USP6NL: variants seen among roughly 807,000 people sequenced by gnomAD.
The protein encoded by USP6NL is USP6 N-terminal like, also known as USP6 N-terminal-like protein.
A neutral mutation model predicts 61.9 loss-of-function variants in USP6NL; 26 were observed. That is an observed-to-expected ratio of 0.42 (90% CI 0.31 to 0.58). USP6NL has a LOEUF of 0.58. Ranked by LOEUF, USP6NL falls within the 20% of genes least tolerant of loss-of-function variation. The probability of loss-of-function intolerance (pLI) is 0.16; values close to 1 mark genes in which losing one functional copy is unlikely to be tolerated. For missense variants in USP6NL, 1,114 were observed against 1,034.3 expected, an observed-to-expected ratio of 1.08 and a Z score of -1.06; for synonymous variants, 432 against 390.1, an observed-to-expected ratio of 1.11 and a Z score of -1.27.
chr10:11,533,396 G>A (rs1026206722), intron 2 of USP6NL, among the ~76,000 whole-genome samples: 1 of 152,208 alleles, frequency 6.6e-6, no homozygotes, highest in Non-Finnish European at 1.5e-5. Flanking sequence ...CTAACCCCTG[G>A]AATCTGTAAA....
At chr10:11,590,800 C>T (rs1474237288) in intron 2 of USP6NL, among the ~76,000 whole-genome samples, 1 of 151,974 alleles carries the variant, frequency 6.6e-6, no homozygotes, top group African/African-American at 2.4e-5. Context: ...AGCAGAAGGA[C>T]GCGGAGAACA....
At position 11,525,710 on chromosome 10, in the gene USP6NL, G is replaced by A. The variant is rs1484046098; in HGVS notation, c.73-242C>T. ...GCTGTGTGTCAGCAGCAGCTGACGCGGAGCTGAGCCAGGATCAGGCCAGGG... is the reference window on the plus strand; with the variant it reads ...GCTGTGTGTCAGCAGCAGCTGACGCAGAGCTGAGCCAGGATCAGGCCAGGG... On this transcript the variant is annotated intron_variant, in intron 3 of 14. Coordinates refer to ENST00000609104, the MANE Select transcript of USP6NL (RefSeq NM_014688.5). The surrounding 1 kb of genome is among the most constrained non-coding windows in gnomAD (Gnocchi z 5.0). 3.3e-5 allele frequency among the ~76,000 whole-genome samples: 5 copies of A among 152,122 alleles called. No individual in the cohort carries two copies. The highest frequency in any genetic ancestry group is 3.8e-4 in the East Asian group (2 of 5,198).
chr10:11,462,068 C>G lies in USP6NL; in HGVS notation c.*373G>C. On this transcript the variant is annotated 3_prime_UTR_variant, in exon 15 of 15. Coordinates refer to ENST00000609104, the MANE Select transcript of USP6NL (RefSeq NM_014688.5). ...ACACTACATATAGCCTTAAAAATAT[C>G]TATTCTACAGTTTTTTCAGTACTTT... 1 of 201,572 alleles carries G rather than the reference C, an allele frequency of 5.0e-6. No homozygotes were observed. The highest frequency in any genetic ancestry group is 1.0e-5 in the Non-Finnish European group (1 of 99,006). 12.5% of individuals were successfully genotyped at this position (201,572 alleles called of 1,614,324 possible). A position where few individuals can be genotyped will look rare whatever the true frequency, so the allele number is the denominator to read the frequency against.
rs908118736 is a variant in USP6NL, at chr10:11,501,709, T to C, written c.277-501A>G. 4.7e-4 allele frequency among the ~76,000 whole-genome samples: 71 copies of C among 152,200 alleles called. 1 individual carries two copies. The highest frequency in any genetic ancestry group is 1.6e-3 in the African/African-American group (67 of 41,462). ...ACCTTCTCACTGGTCTCTCAGAAGA[T>C]ACCAAGCTTCTCCTCATCTATCTGA... On this transcript the variant is annotated intron_variant, in intron 6 of 14. Transcript: ENST00000609104.
chr10:11,607,885 C>T (rs1455336167), intron 1 of USP6NL, among the ~76,000 whole-genome samples: 1 of 152,146 alleles, frequency 6.6e-6, no homozygotes, highest in Non-Finnish European at 1.5e-5. Flanking sequence ...AGTTTTTCTA[C>T]AGTCATATCA....
At chr10:11,533,270 A>T (rs1216244525) in intron 2 of USP6NL, among the ~76,000 whole-genome samples, 3 of 152,226 alleles carry the variant, frequency 2.0e-5, no homozygotes, top group Non-Finnish European at 4.4e-5. Flanking sequence ...AGAGCAAAAA[A>T]TTATCATGAA....
At chr10:11,584,764 C>T (rs1566199398) in intron 2 of USP6NL, among the ~76,000 whole-genome samples, 1 of 152,068 alleles carries the variant, frequency 6.6e-6, no homozygotes, top group Admixed American at 6.6e-5. Flanking sequence ...TGGCAAAACC[C>T]CATCTCTACA....
At chr10:11,593,867 T>C (rs1209342469) in intron 2 of USP6NL, among the ~76,000 whole-genome samples, 1 of 152,166 alleles carries the variant, frequency 6.6e-6, no homozygotes, top group Non-Finnish European at 1.5e-5. Flanking sequence ...TTATCCCACG[T>C]GATGTACAGC....
rs979371151 is a variant in USP6NL at position 11,587,802 on chromosome 10, G to A, written c.4+9829C>T. On this transcript the variant is annotated intron_variant, in intron 2 of 14. Coordinates refer to ENST00000609104, the MANE Select transcript of USP6NL (RefSeq NM_014688.5). The surrounding 1 kb of genome is among the most constrained non-coding windows in gnomAD (Gnocchi z 4.5). ...AAGCCAAAAGCCGTCTCATTTCAAC[G>A]CCATCTCATATTCTAGAAAATATTT... is the stretch of plus-strand genomic sequence containing the variant. Among the ~76,000 whole-genome samples, 6 of 152,054 alleles carry A rather than the reference G, an allele frequency of 3.9e-5. No homozygotes were observed. The highest frequency in any genetic ancestry group is 2.1e-4 in the South Asian group (1 of 4,822).
At position 11,462,986 on chromosome 10, in the gene USP6NL, T is replaced by C; in HGVS notation, c.1942A>G (p.Thr648Ala). The C allele has an allele frequency of 2.5e-6, 4 of 1,613,210 alleles. No individual in the cohort carries two copies. The highest frequency in any genetic ancestry group is 1.7e-4 in the Middle Eastern group (1 of 6,060). The change falls in exon 15 of 15, where the codon ACT (threonine) becomes GCT (alanine). Residue 648 changes from threonine to alanine, a missense_variant. Coordinates refer to ENST00000609104, the MANE Select transcript of USP6NL (RefSeq NM_014688.5). ...YHGNSPKHFP[T>A]ANSSFASPQF... is the part of the protein sequence containing the mutation. ...GGAGAAGCAAAGCTGCTGTTGGCAG[T>C]AGGGAAGTGTTTGGGAGAGTTTCCG...
chr10:11,599,234 G>T (rs561284302), intron 1 of USP6NL, among the ~76,000 whole-genome samples: 3 of 152,162 alleles, frequency 2.0e-5, no homozygotes, highest in African/African-American at 7.2e-5. Flanking sequence ...TACAAATAAG[G>T]CAGGATTAAA....
At chr10:11,466,370 G>A (rs1216210950) in intron 14 of USP6NL, among the ~76,000 whole-genome samples, 1 of 152,180 alleles carries the variant, frequency 6.6e-6, no homozygotes, top group Non-Finnish European at 1.5e-5. Context: ...TAGAGACAAT[G>A]TTTCCCAAAT....
Position 11,474,272 on chromosome 10 carries a change from A to T in USP6NL, c.1078+7498T>A, listed in dbSNP as rs530555646. Among the ~76,000 whole-genome samples the T allele has an allele frequency of 1.3e-5, 2 of 152,374 alleles. No individual in the cohort carries two copies. Among genetic ancestry groups the T allele is most frequent in the South Asian group, 2.1e-4 (1 of 4,830 alleles). On this transcript the variant is annotated intron_variant, in intron 14 of 14. Coordinates refer to ENST00000609104, the MANE Select transcript of USP6NL (RefSeq NM_014688.5). This position sits in a 1 kb window ranked among gnomAD's most constrained non-coding sequence, Gnocchi z 4.9. ...CAAGTTGGCCTTCTTATGCCAATTT[A>T]AAAATATGCAAATGAGTCACTGATT...
At chr10:11,503,241 C>A (rs1022401984) in intron 6 of USP6NL, among the ~76,000 whole-genome samples, 1 of 152,132 alleles carries the variant, frequency 6.6e-6, no homozygotes, top group East Asian at 1.9e-4. Context: ...TCAGTGGACC[C>A]GAACAAGTAA....
rs538270019 is a variant in USP6NL at position 11,593,363 on chromosome 10, T to G, written c.4+4268A>C. Among the ~76,000 whole-genome samples, 7 of 152,312 alleles carry G rather than the reference T, an allele frequency of 4.6e-5. No homozygotes were observed. The East Asian group carries it at 1.3e-3, about 29-fold the overall frequency. ...TTCACTTAGTTTTTTTTAAAATATA[T>G]TCTACCAAAATAATCACTATTTTGT... On this transcript the variant is annotated intron_variant, in intron 2 of 14. Transcript: ENST00000609104.
At chr10:11,483,275 T>C (rs901349308) in intron 13 of USP6NL, among the ~76,000 whole-genome samples, 1 of 151,980 alleles carries the variant, frequency 6.6e-6, no homozygotes, top group Non-Finnish European at 1.5e-5. Context: ...GTTGCTATGC[T>C]TAACATTTAT....
chr10:11,497,009 T>C (rs186143150), intron 7 of USP6NL, among the ~76,000 whole-genome samples: 3 of 152,154 alleles, frequency 2.0e-5, no homozygotes, highest in Admixed American at 1.3e-4. Flanking sequence ...TATTATTGTA[T>C]ATTATTTCTG....
rs1400009393 is a variant in USP6NL at position 11,462,221 on chromosome 10, G to A, written c.*220C>T. 9.2e-6 allele frequency: 5 copies of A among 542,948 alleles called. No homozygotes were observed. The highest frequency in any genetic ancestry group is 1.3e-5 in the Non-Finnish European group (4 of 317,212). 33.6% of individuals were successfully genotyped at this position (542,948 alleles called of 1,614,324 possible). A position where few individuals can be genotyped will look rare whatever the true frequency, so the allele number is the denominator to read the frequency against. ...CCCTAAATGCTATTGCGATGTTTCC[G>A]GGTTAAATTCTAACAGGTCAGTGAT... On this transcript the variant is annotated 3_prime_UTR_variant, in exon 15 of 15. Transcript: ENST00000609104.
intron 2 of USP6NL, among the ~76,000 whole-genome samples, chr10:11,582,749 T>C (rs963588677): frequency 6.6e-6 from 1 of 152,048 alleles, no homozygotes; most frequent in African/African-American, 2.4e-5. Flanking sequence ...GGCAAGAAGC[T>C]TCTCAACTCT....
Sources: allele counts gnomAD v4.1 joint callset (sites outside exome capture counted in the v4.1 genomes callset), GRCh38; gene constraint gnomAD v4.1.1; non-coding constraint Gnocchi (gnomAD v3.1); transcripts MANE v1.5; gene names NCBI Gene and HGNC (gene_info 2026-07-23, HGNC 2026-07-21).